PCDHGA8: variants seen among roughly 807,000 people sequenced by gnomAD.
PCDHGA8 encodes protocadherin gamma subfamily A, 8.
In PCDHGA8, 45 loss-of-function variants were observed where a neutral mutation model predicts 59.2. That is an observed-to-expected ratio of 0.76 (90% CI 0.60 to 0.98). The LOEUF (loss-of-function observed/expected upper bound fraction) is 0.98, where lower values mean the gene tolerates loss of function less well. Among genes scored for constraint, PCDHGA8 ranks in the 50% least tolerant of loss-of-function variants. The probability of loss-of-function intolerance (pLI) is 0.00; values close to 1 mark genes in which losing one functional copy is unlikely to be tolerated. For missense variants in PCDHGA8, 1,257 were observed against 1,196.2 expected (o/e 1.05, Z -0.75); for synonymous variants, 531 against 519.0 (o/e 1.02, Z -0.32).
intron 1 of PCDHGA8, chr5:141,410,353 C>T: frequency 1.9e-6 from 3 of 1,614,078 alleles, no homozygotes; most frequent in Non-Finnish European, 2.5e-6. Flanking sequence ...GCCTGCGACG[C>T]TCTCTCAGCC....
At chr5:141,445,732 A>G (rs2098475548) in intron 1 of PCDHGA8, among the ~76,000 whole-genome samples, 1 of 152,230 alleles carries the variant, frequency 6.6e-6, no homozygotes, top group African/African-American at 2.4e-5. Context: ...ATGTGTAAAG[A>G]TCTTTTTAAA....
intron 1 of PCDHGA8, chr5:141,427,032 A>G (rs1227315080): frequency 2.2e-6 from 1 of 457,206 alleles, no homozygotes; most frequent in East Asian, 6.9e-5. Flanking sequence ...AGTCAGCCTT[A>G]GAGAGAATGT....
Position 141,486,902 on chromosome 5 carries a change from C to T in PCDHGA8, c.2425-7905C>T, listed in dbSNP as rs2099636761. On this transcript the variant is annotated intron_variant, in intron 1 of 3. Transcript: ENST00000398604. This position sits in a 1 kb window ranked among gnomAD's most constrained non-coding sequence, Gnocchi z 5.0. ...TCGGGCCCGGCCTGGTTCCTTATGT[C>T]CCCAAGCACTGCCTCCATCAGTTGG... 1 of 1,614,226 alleles carries T rather than the reference C, an allele frequency of 6.2e-7. No individual in the cohort carries two copies. The highest frequency in any genetic ancestry group is 8.5e-7 in the Non-Finnish European group (1 of 1,180,044).
intron 1 of PCDHGA8, chr5:141,422,726 T>C: frequency 5.6e-6 from 9 of 1,605,994 alleles, no homozygotes; most frequent in African/African-American, 4.0e-5. Flanking sequence ...GTCCAGGGGG[T>C]GCCTCTGTCC....
chr5:141,494,446 G>C (rs1046119515), intron 1 of PCDHGA8, among the ~76,000 whole-genome samples: 2 of 152,172 alleles, frequency 1.3e-5, no homozygotes, highest in African/African-American at 4.8e-5. Context: ...TGCCACTTTA[G>C]GGGGCTTTGT....
At chr5:141,483,918 T>G (rs2099588800) in intron 1 of PCDHGA8, among the ~76,000 whole-genome samples, 1 of 150,512 alleles carries the variant, frequency 6.6e-6, no homozygotes, top group Non-Finnish European at 1.5e-5. Flanking sequence ...CCACTCAGAT[T>G]GCAGGTCGTA....
At chr5:141,428,001 T>G (rs149531447) in intron 1 of PCDHGA8, 10 of 1,601,704 alleles carry the variant, frequency 6.2e-6, no homozygotes, top group Non-Finnish European at 8.5e-6. Flanking sequence ...CTCCGCACTC[T>G]TCGATATAGT....
Position 141,511,253 on chromosome 5 carries a change from A to G in PCDHGA8, c.*80A>G. The G allele has an allele frequency of 1.3e-6, 2 of 1,568,402 alleles. No homozygotes were observed. The highest frequency in any genetic ancestry group is 1.7e-6 in the Non-Finnish European group (2 of 1,157,066). On this transcript the variant is annotated 3_prime_UTR_variant, in exon 4 of 4. Coordinates refer to ENST00000398604, the MANE Select transcript of PCDHGA8 (RefSeq NM_032088.2). ...CTCCTTACCTGCACCCAGGCCTCAG[A>G]GTTTCAGGGCTAACCCCCAGAATAC...
rs1225025591 is a variant in PCDHGA8 at position 141,493,316 on chromosome 5, T to G, written c.2425-1491T>G. Among the ~76,000 whole-genome samples, 2 of 152,198 alleles carry G rather than the reference T, an allele frequency of 1.3e-5. No homozygotes were observed. The highest frequency in any genetic ancestry group is 2.1e-4 in the South Asian group (1 of 4,826). Reference sequence around the variant, plus strand: ...AGTTCACAGAGCAAGTAAGAGAGATTCTAACCCCTGTCTAACTCCAGAATG... The same window carrying G: ...AGTTCACAGAGCAAGTAAGAGAGATGCTAACCCCTGTCTAACTCCAGAATG... On this transcript the variant is annotated intron_variant, in intron 1 of 3. Coordinates refer to ENST00000398604, the MANE Select transcript of PCDHGA8 (RefSeq NM_032088.2). This position sits in a 1 kb window ranked among gnomAD's most constrained non-coding sequence, Gnocchi z 4.3.
chr5:141,413,170 A>G, intron 1 of PCDHGA8: 1 of 1,595,602 alleles, frequency 6.3e-7, no homozygotes, highest in Non-Finnish European at 8.5e-7. Flanking sequence ...CTGTAACCAG[A>G]CTACAATGGC....
Position 141,490,896 on chromosome 5 carries a change from G to A in PCDHGA8, c.2425-3911G>A. 6.2e-7 allele frequency: 1 copy of A among 1,613,938 alleles called. No homozygotes were observed. Among genetic ancestry groups the A allele is most frequent in the Non-Finnish European group, 8.5e-7 (1 of 1,179,922 alleles). ...TGCATGCCAACACATCTCTGCATGTGTTTGTCCTAGACGAGAATGATAATG... is the reference window on the plus strand; with the variant it reads ...TGCATGCCAACACATCTCTGCATGTATTTGTCCTAGACGAGAATGATAATG... On this transcript the variant is annotated intron_variant, in intron 1 of 3. Coordinates refer to ENST00000398604, the MANE Select transcript of PCDHGA8 (RefSeq NM_032088.2). This position sits in a 1 kb window ranked among gnomAD's most constrained non-coding sequence, Gnocchi z 5.4.
intron 1 of PCDHGA8, chr5:141,478,044 C>A (rs1302168166): frequency 1.9e-6 from 3 of 1,614,184 alleles, no homozygotes; most frequent in South Asian, 1.1e-5. Flanking sequence ...CCCAGGCAGA[C>A]TCTCACGGTC....
intron 1 of PCDHGA8, chr5:141,419,377 C>T: frequency 6.2e-6 from 10 of 1,613,690 alleles, no homozygotes; most frequent in Admixed American, 3.3e-5. Flanking sequence ...CCTACGTGTC[C>T]GTGAGCGCGC....
rs1396744157 is a variant in PCDHGA8 at position 141,432,439 on chromosome 5, C to G, written c.2424+37202C>G. 22 of 1,614,108 alleles carry G rather than the reference C, an allele frequency of 1.4e-5. No individual in the cohort carries two copies. The highest frequency in any genetic ancestry group is 1.7e-5 in the Non-Finnish European group (20 of 1,180,052). On this transcript the variant is annotated intron_variant, in intron 1 of 3. Coordinates refer to ENST00000398604, the MANE Select transcript of PCDHGA8 (RefSeq NM_032088.2). This position sits in a 1 kb window ranked among gnomAD's most constrained non-coding sequence, Gnocchi z 6.0. ...TGCTGGACCAGAACGACAATGCGCCCGAGATCCTGTACCCCGCCCTCCCCA... is the reference window on the plus strand; with the variant it reads ...TGCTGGACCAGAACGACAATGCGCCGGAGATCCTGTACCCCGCCCTCCCCA...
At chr5:141,412,441 G>C (rs1334085357) in intron 1 of PCDHGA8, 1 of 152,124 alleles carries the variant, frequency 6.6e-6, no homozygotes, top group African/African-American at 2.4e-5. Flanking sequence ...GTTAATTAAG[G>C]CTCAGTAAAA....
chr5:141,427,434 A>G (rs2097026509), intron 1 of PCDHGA8: 1 of 473,650 alleles, frequency 2.1e-6, no homozygotes, highest in African/African-American at 2.0e-5. Context: ...TACATGCCTC[A>G]TAAACGAAAG....
At chr5:141,492,993 G>A (rs952802686) in intron 1 of PCDHGA8, among the ~76,000 whole-genome samples, 5 of 152,216 alleles carry the variant, frequency 3.3e-5, no homozygotes, top group African/African-American at 1.2e-4. Flanking sequence ...CTGGCAGATG[G>A]AAAGCTATAG....
At chr5:141,414,926 G>T (rs2095802657) in intron 1 of PCDHGA8, 3 of 1,614,114 alleles carry the variant, frequency 1.9e-6, no homozygotes, top group Admixed American at 1.7e-5. Flanking sequence ...CTGGCGCCCC[G>T]CTCCGCAGAG....
intron 1 of PCDHGA8, among the ~76,000 whole-genome samples, chr5:141,397,411 T>G (rs1464488353): frequency 6.6e-6 from 1 of 152,210 alleles, no homozygotes; most frequent in East Asian, 1.9e-4. Context: ...AAAATAGTTT[T>G]AAATAGTATA....
Sources: gnomAD v4.1 joint callset for allele counts (sites outside exome capture counted in the v4.1 genomes callset) on GRCh38, gnomAD v4.1.1 for gene constraint, Gnocchi (gnomAD v3.1) non-coding constraint, MANE v1.5 for transcripts, NCBI Gene and HGNC (gene_info 2026-07-23, HGNC 2026-07-21) for gene names.